Variants in SYNE2 observed in about 807,000 individuals in gnomAD.
SYNE2 encodes spectrin repeat containing nuclear envelope protein 2.
A neutral mutation model predicts 856.3 loss-of-function variants in SYNE2; 431 were observed. The observed-to-expected ratio is 0.50, with a 90% CI of 0.47 to 0.55. SYNE2 has a LOEUF of 0.55. SYNE2 is among the 20% of genes least tolerant of loss of function. The pLI, the probability that SYNE2 is intolerant of heterozygous loss-of-function variation, is 0.00. For synonymous variants in SYNE2, 2,923 were observed against 2,872.3 expected, an observed-to-expected ratio of 1.02 and a Z score of -0.56; for missense variants, 8,129 against 8,023.2, an observed-to-expected ratio of 1.01 and a Z score of -0.50.
intron 1 of SYNE2, among the ~76,000 whole-genome samples, chr14:63,773,886 T>A (rs527443249): frequency 7.8e-4 from 119 of 152,344 alleles, no homozygotes; most frequent in Admixed American, 1.9e-3. Context: ...GCTAAGCACA[T>A]CTTGTTTGAA....
intron 70 of SYNE2, among the ~76,000 whole-genome samples, chr14:64,124,338 T>G (rs1475204311): frequency 1.3e-5 from 2 of 151,946 alleles, no homozygotes; most frequent in African/African-American, 4.8e-5. Flanking sequence ...ACTACAGGTG[T>G]GCAGCACCAT....
chr14:63,981,029 A>C lies in SYNE2; in HGVS notation c.1692A>C (p.Lys564Asn). The change falls in exon 16 of 116, where the codon AAA (lysine) becomes AAC (asparagine). Residue 564 changes from lysine (K) to asparagine (N), a missense_variant. Physicochemically the swap from Lys to Asn is moderately conservative, Grantham distance 94. This residue lies in a region of SYNE2 where 2,422 missense variants were observed against 2,357.4 expected (regional missense o/e 1.03). Coordinates refer to ENST00000555002, the MANE Select transcript of SYNE2 (RefSeq NM_182914.3). The stretch of plus-strand genomic sequence containing the variant: ...TTAATAAACAGTATATGATGGTGAA[A>C]TCTGATGTTTGTATGTATAGAAAAA... ...QNINKQYMMV[K>N]SDVCMYRKNI... 1 of 1,576,584 alleles carries C rather than the reference A, an allele frequency of 6.3e-7. No individual in the cohort carries two copies. The highest frequency in any genetic ancestry group is 8.7e-7 in the Non-Finnish European group (1 of 1,146,912).
intron 8 of SYNE2, chr14:63,956,411 A>G: frequency 4.4e-6 from 2 of 456,556 alleles, no homozygotes; most frequent in Non-Finnish European, 8.8e-6. Flanking sequence ...ATTTTTATTG[A>G]TGATTTTTTC....
At chr14:64,007,309 C>A in intron 31 of SYNE2, 87 bp downstream of exon 31, 1 of 1,225,738 alleles carries the variant, frequency 8.2e-7, no homozygotes, top group Non-Finnish European at 1.2e-6. Context: ...GAAAACACAT[C>A]TCCGTGGACC....
intron 82 of SYNE2, 35 bp from the exon 83 acceptor site, chr14:64,143,737 A>G (rs1324997753): frequency 6.2e-7 from 1 of 1,612,000 alleles, no homozygotes; most frequent in Non-Finnish European, 8.5e-7. Flanking sequence ...ACCAACATTC[A>G]TGACTGCTTT....
Position 64,120,949 on chromosome 14 carries a change from C to A in SYNE2, c.13046C>A (p.Ser4349Tyr), listed in dbSNP as rs764940126. 1.9e-6 allele frequency: 3 copies of A among 1,613,942 alleles called. No homozygotes were observed. The South Asian group carries it at 3.3e-5, about 18-fold the overall frequency. The part of the protein sequence containing the change: ...EDQHPTILKK[S>Y]SEPEHQEALQ... ...CAGCATCCTACCATTCTAAAGAAAT[C>A]CTCAGAGCCAGAGCATCAAGAAGCT... The change falls in exon 68 of 116, where the codon TCC (serine) becomes TAC (tyrosine). Residue 4349 changes from serine to tyrosine, a missense_variant. Around this residue, in one of 3 missense-constraint regions of SYNE2, gnomAD observed 5,410 missense variants for 5,284.8 expected, o/e 1.02. Coordinates refer to ENST00000555002, the MANE Select transcript of SYNE2 (RefSeq NM_182914.3).
intron 38 of SYNE2, chr14:64,023,083 C>T: frequency 2.0e-6 from 1 of 512,474 alleles, no homozygotes; most frequent in East Asian, 3.5e-5. Context: ...ATGGTGAAAC[C>T]TTATCTCTAC....
At chr14:64,202,030 T>C (rs2098571314) in intron 99 of SYNE2, among the ~76,000 whole-genome samples, 2 of 152,178 alleles carry the variant, frequency 1.3e-5, no homozygotes, top group Admixed American at 1.3e-4. Context: ...CTTGACAGCA[T>C]GTGGACGTGC....
At chr14:63,783,891 T>G (rs2139745998) in intron 1 of SYNE2, among the ~76,000 whole-genome samples, 1 of 152,292 alleles carries the variant, frequency 6.6e-6, no homozygotes, top group African/African-American at 2.4e-5. Context: ...GATTCAATAG[T>G]ATGGTATCAA....
At chr14:64,168,803 A>G (rs555672380) in intron 92 of SYNE2, 74 bp from the exon 93 acceptor site, 36 of 1,025,684 alleles carry the variant, frequency 3.5e-5, no homozygotes, top group Non-Finnish European at 5.3e-5. Flanking sequence ...TTAGATTTTA[A>G]TAGGAAATGT....
chr14:64,135,798 T>C (rs1213806934), intron 78 of SYNE2, among the ~76,000 whole-genome samples: 1 of 152,228 alleles, frequency 6.6e-6, no homozygotes. Flanking sequence ...ATCTCACATA[T>C]GGACTTCATA....
Position 63,976,699 on chromosome 14 carries a change from T to C in SYNE2, c.1265T>C (p.Leu422Pro). ...CAGGATCACTCTCAAGCCGTGACTC[T>C]GATACAAGAGAAAATGACTTTATTC... ...ASQDHSQAVT[L>P]IQEKMTLFKS... The change falls in exon 12 of 116, where the codon CTG (leucine) becomes CCG (proline). Residue 422 changes from leucine (L) to proline (P), a missense_variant. This residue lies in a region of SYNE2 where 2,422 missense variants were observed against 2,357.4 expected (regional missense o/e 1.03). Coordinates refer to ENST00000555002, the MANE Select transcript of SYNE2 (RefSeq NM_182914.3). The C allele has an allele frequency of 6.2e-7, 1 of 1,613,704 alleles. No homozygotes were observed. The highest frequency in any genetic ancestry group is 1.1e-5 in the South Asian group (1 of 91,062).
intron 1 of SYNE2, among the ~76,000 whole-genome samples, chr14:63,886,222 T>C (rs556386995): frequency 8.5e-5 from 13 of 152,322 alleles, no homozygotes; most frequent in East Asian, 1.9e-4. Context: ...CACAAACTTA[T>C]CACCTCTGAT....
intron 84 of SYNE2, among the ~76,000 whole-genome samples, chr14:64,150,204 G>A (rs1386071768): frequency 7.2e-6 from 1 of 138,826 alleles, no homozygotes; most frequent in Non-Finnish European, 1.5e-5. Flanking sequence ...ACTGAGGCAG[G>A]AAAATGACTT....
rs1595772939 is a variant in SYNE2, at chr14:63,942,036, CT to C, written c.316-10del. 2.5e-6 allele frequency: 4 copies of C among 1,602,102 alleles called. No homozygotes were observed. Reference sequence around the variant, plus strand: ...GGATATTTCCTCCTTTTAACCTGCACTTTTTGTTTTCCAGATTAAGCTAATA... The same window carrying C: ...GGATATTTCCTCCTTTTAACCTGCACTTTTGTTTTCCAGATTAAGCTAATA... On this transcript the variant is annotated splice_polypyrimidine_tract_variant and intron_variant, in intron 5 of 115. Transcript: ENST00000555002.
chr14:63,949,174 C>A (rs1184036695), intron 6 of SYNE2, among the ~76,000 whole-genome samples: 1 of 151,820 alleles, frequency 6.6e-6, no homozygotes, highest in Non-Finnish European at 1.5e-5. Flanking sequence ...ACCATATCGC[C>A]CTCCAAAAAA....
chr14:64,070,780 A>C lies in SYNE2; in HGVS notation c.10567A>C (p.Lys3523Gln), dbSNP rs35203186. ...ATGCCAATATGGAGAGAACGTGGAG[A>C]AGCAACAGCTGTTACTGACTCTACT... Reference protein sequence around the residue: ...CLCQYGENVEKQQLLLTLLLQ... With the variant: ...CLCQYGENVEQQQLLLTLLLQ... The change falls in exon 52 of 116, where the codon AAG (lysine) becomes CAG (glutamine). Residue 3523 changes from lysine (K) to glutamine (Q), a missense_variant. Physicochemically the swap from Lys to Gln is moderately conservative, Grantham distance 53. Transcript: ENST00000555002. 31,268 of 1,614,150 alleles carry C rather than the reference A, an allele frequency of 0.019. 496 individuals carry two copies. Among genetic ancestry groups the C allele is most frequent in the East Asian group, 0.062 (2,762 of 44,882 alleles).
chr14:64,175,765 C>G (rs905635445), intron 95 of SYNE2, among the ~76,000 whole-genome samples: 4 of 152,186 alleles, frequency 2.6e-5, no homozygotes, highest in African/African-American at 9.7e-5. Flanking sequence ...CCCACTCTCT[C>G]TAGTCTGTCG....
At chr14:63,977,600 A>T (rs1455640132) in intron 12 of SYNE2, among the ~76,000 whole-genome samples, 3 of 152,130 alleles carry the variant, frequency 2.0e-5, no homozygotes, top group African/African-American at 7.2e-5. Context: ...AAATTTTTTT[A>T]AAAAACAAAA....
Sources: allele counts gnomAD v4.1 joint callset (sites outside exome capture counted in the v4.1 genomes callset), GRCh38; gene constraint gnomAD v4.1.1; regional missense constraint gnomAD v4.1.1; transcripts MANE v1.5; gene names NCBI Gene and HGNC (gene_info 2026-07-23, HGNC 2026-07-21).